RBP2: variants seen among roughly 807,000 people sequenced by gnomAD.
The protein encoded by RBP2 is retinol-binding protein 2.
A neutral mutation model predicts 17.0 loss-of-function variants in RBP2; 17 were observed. That is an observed-to-expected ratio of 1.00 (90% confidence interval 0.68 to 1.50). The LOEUF (loss-of-function observed/expected upper bound fraction) is 1.50, where lower values mean the gene tolerates loss of function less well. RBP2 is among the 40% of genes most tolerant of loss of function. RBP2 has a pLI of 0.00. For missense variants in RBP2, 158 were observed against 168.2 expected (o/e 0.94, Z 0.33); for synonymous variants, 48 against 57.1 (o/e 0.84, Z 0.72).
chr3:139,469,663 A>G lies in RBP2; in HGVS notation c.73+6724T>C, dbSNP rs62270324. 1.6e-3 allele frequency among the ~76,000 whole-genome samples: 232 copies of G among 145,830 alleles called. 1 individual carries two copies. The highest frequency in any genetic ancestry group is 3.2e-3 in the Admixed American group (46 of 14,506). ...TTCTTAATTGGAGCATCAGACATCTATCTGTCTGTCTGTCTGTCTGTCTGT... is the reference window on the plus strand; with the variant it reads ...TTCTTAATTGGAGCATCAGACATCTGTCTGTCTGTCTGTCTGTCTGTCTGT... On this transcript the variant is annotated intron_variant, in intron 1 of 3. Coordinates refer to ENST00000232217, the MANE Select transcript of RBP2 (RefSeq NM_004164.3).
chr3:139,453,808 C>A (rs186085117), intron 3 of RBP2, among the ~76,000 whole-genome samples: 148 of 152,316 alleles, frequency 9.7e-4, no homozygotes, highest in Non-Finnish European at 1.6e-3. Flanking sequence ...ATTGTCTAAG[C>A]CACAGAGAGC....
intron 1 of RBP2, among the ~76,000 whole-genome samples, chr3:139,469,222 G>A (rs570517417): frequency 6.6e-6 from 1 of 152,280 alleles, no homozygotes; most frequent in Admixed American, 6.5e-5. Context: ...GAGAAGCAGA[G>A]TGTAAGAACA....
intron 2 of RBP2, 94 bp downstream of exon 2, chr3:139,462,018 G>C: frequency 7.3e-7 from 1 of 1,365,490 alleles, no homozygotes. Context: ...ATTTTTCCCA[G>C]GTTGTTTCTA....
intron 1 of RBP2, among the ~76,000 whole-genome samples, chr3:139,468,640 G>A (rs1448936168): frequency 1.3e-5 from 2 of 151,870 alleles, no homozygotes; most frequent in Non-Finnish European, 2.9e-5. Flanking sequence ...TTTAACTGAG[G>A]ATGTAGAACA....
At chr3:139,457,417 G>T (rs977778713) in intron 2 of RBP2, among the ~76,000 whole-genome samples, 2 of 152,158 alleles carry the variant, frequency 1.3e-5, no homozygotes, top group African/African-American at 4.8e-5. Context: ...TGTAGTAGGG[G>T]CTTAGCAAAT....
chr3:139,454,959 C>A (rs1351572056), intron 2 of RBP2, 129 bp from the exon 3 acceptor site: 1 of 837,378 alleles, frequency 1.2e-6, no homozygotes, highest in East Asian at 2.5e-5. Context: ...CCCTCAGCCT[C>A]AGGGAGCCAA....
At chr3:139,454,590 G>A in intron 3 of RBP2, 139 bp downstream of exon 3, 1 of 708,120 alleles carries the variant, frequency 1.4e-6, no homozygotes, top group Non-Finnish European at 2.5e-6. Context: ...ATGGCTTTCT[G>A]ACTATATGAC....
intron 1 of RBP2, among the ~76,000 whole-genome samples, chr3:139,464,109 C>G (rs1347982351): frequency 6.6e-6 from 1 of 152,144 alleles, no homozygotes; most frequent in African/African-American, 2.4e-5. Context: ...CCATGGTGGC[C>G]AAGCATCACT....
chr3:139,460,387 T>C (rs1343876108), intron 2 of RBP2, among the ~76,000 whole-genome samples: 1 of 152,202 alleles, frequency 6.6e-6, no homozygotes, highest in Non-Finnish European at 1.5e-5. Context: ...CATCATGCTT[T>C]ATATTTCCCT....
intron 1 of RBP2, among the ~76,000 whole-genome samples, chr3:139,462,587 A>ACACACACACACACACACACACACACACC: frequency 6.6e-6 from 1 of 151,750 alleles, no homozygotes. Flanking sequence ...ACACACACAC[A>ACACACACACACACACACACACACACACC]CACACACACA....
intron 3 of RBP2, 59 bp from the exon 4 acceptor site, chr3:139,453,225 C>G: frequency 6.3e-7 from 1 of 1,596,110 alleles, no homozygotes; most frequent in Non-Finnish European, 8.6e-7. Context: ...CTGCCCAGCC[C>G]TCAGCCCCCT....
intron 2 of RBP2, among the ~76,000 whole-genome samples, chr3:139,459,069 G>T (rs906899546): frequency 1.3e-5 from 2 of 152,108 alleles, no homozygotes; most frequent in African/African-American, 4.8e-5. Flanking sequence ...GGCACAACAT[G>T]CACCTCTCCT....
At chr3:139,476,254 A>G in intron 1 of RBP2, 133 bp downstream of exon 1, 1 of 664,450 alleles carries the variant, frequency 1.5e-6, no homozygotes, top group East Asian at 2.7e-5. Flanking sequence ...GATCTGCCTA[A>G]TATTGCACAG....
chr3:139,453,224 C>T, intron 3 of RBP2, 58 bp from the exon 4 acceptor site: 1 of 1,596,642 alleles, frequency 6.3e-7, no homozygotes, highest in Non-Finnish European at 8.6e-7. Flanking sequence ...TCTGCCCAGC[C>T]CTCAGCCCCC....
chr3:139,454,660 C>T lies in RBP2; in HGVS notation c.354+69G>A, dbSNP rs60978691. ...CAGGGCCATTTTTCTTGTCAAAACA[C>T]CTGGCTAGGTGACCACAGTAGCGTG... On this transcript the variant is annotated intron_variant, in intron 3 of 3. Transcript: ENST00000232217. 1.0e-5 allele frequency: 15 copies of T among 1,485,266 alleles called. No homozygotes were observed. In the African/African-American group the frequency reaches 1.4e-4, roughly 14 times the overall value. The allele number at this position is 1,485,266 out of a possible 1,614,324, so 92.0% of individuals were successfully genotyped here.
chr3:139,461,963 G>C (rs1933204948), intron 2 of RBP2, 149 bp downstream of exon 2: 1 of 749,798 alleles, frequency 1.3e-6, no homozygotes, highest in Non-Finnish European at 2.2e-6. Flanking sequence ...GTCAATAATT[G>C]CTCATTGCCA....
At chr3:139,475,147 C>T (rs917285932) in intron 1 of RBP2, among the ~76,000 whole-genome samples, 3 of 151,464 alleles carry the variant, frequency 2.0e-5, no homozygotes, top group African/African-American at 7.3e-5. Flanking sequence ...TAGTGAAATC[C>T]GTCTCTATTA....
At chr3:139,462,442 A>G in intron 1 of RBP2, 152 bp from the exon 2 acceptor site, 1 of 801,942 alleles carries the variant, frequency 1.2e-6, no homozygotes. Context: ...ACTCGTGGCC[A>G]AGTTGGGCAT....
chr3:139,471,530 A>G (rs2107882999), intron 1 of RBP2, among the ~76,000 whole-genome samples: 1 of 152,386 alleles, frequency 6.6e-6, no homozygotes, highest in Admixed American at 6.5e-5. Flanking sequence ...TGTTCTTCAT[A>G]GAAGATAATC....
Sources: allele counts gnomAD v4.1 joint callset (sites outside exome capture counted in the v4.1 genomes callset), GRCh38; gene constraint gnomAD v4.1.1; transcripts MANE v1.5; gene names NCBI Gene and HGNC (gene_info 2026-07-23, HGNC 2026-07-21).